CAPN9: variants seen among roughly 807,000 people sequenced by gnomAD.
CAPN9 encodes calpain 9.
Under a neutral mutation model 92.8 loss-of-function variants are expected in CAPN9, and 81 were observed. The observed-to-expected ratio is 0.87, with a 90% CI of 0.73 to 1.05. CAPN9 has a LOEUF of 1.05. Among genes scored for constraint, CAPN9 ranks in the 50% least tolerant of loss-of-function variants. The pLI is 0.00. For synonymous variants in CAPN9, 304 were observed against 328.0 expected (o/e 0.93, Z 0.79); for missense variants, 848 against 866.2 (o/e 0.98, Z 0.26).
In CAPN9 at chr1:230,791,929, G is replaced by A. The variant is rs150456782; in HGVS notation, c.1722+1G>A. On this transcript the variant is annotated splice_donor_variant, in intron 15 of 19. Coordinates refer to ENST00000271971, the MANE Select transcript of CAPN9 (RefSeq NM_006615.3). LOFTEE classifies it high-confidence loss of function. Reference sequence around the variant, plus strand: ...TAAAAACATCATTTCCCTGATGGACGTATCCTTCCAAATATTTGAGCAGAA... The same window carrying A: ...TAAAAACATCATTTCCCTGATGGACATATCCTTCCAAATATTTGAGCAGAA... 352 of 1,605,866 alleles carry A rather than the reference G, an allele frequency of 2.2e-4. 1 individual carries two copies. In the African/African-American group the frequency reaches 4.1e-3, roughly 19 times the overall value.
intron 12 of CAPN9, 26 bp downstream of exon 12, chr1:230,786,043 G>A (rs1558111351): frequency 1.2e-6 from 2 of 1,612,492 alleles, no homozygotes; most frequent in Non-Finnish European, 1.7e-6. Flanking sequence ...TTGCTATGGA[G>A]TATGGGATTC....
intron 6 of CAPN9, among the ~76,000 whole-genome samples, chr1:230,770,495 G>C (rs1362914815): frequency 1.3e-5 from 2 of 152,148 alleles, no homozygotes; most frequent in African/African-American, 4.8e-5. Flanking sequence ...GGCACCCCAT[G>C]GCCCAGTCAA....
chr1:230,789,465 C>T (rs991184696), intron 13 of CAPN9, among the ~76,000 whole-genome samples: 1 of 117,140 alleles, frequency 8.5e-6, no homozygotes, highest in Non-Finnish European at 1.6e-5. Context: ...CAGAGCAAGA[C>T]CCTGTATCAA....
intron 7 of CAPN9, among the ~76,000 whole-genome samples, chr1:230,772,736 C>A (rs929059421): frequency 3.6e-4 from 48 of 132,314 alleles, no homozygotes; most frequent in African/African-American, 1.4e-3. Context: ...AGCATGTTGA[C>A]CCCATCTCTT....
At chr1:230,801,434 G>A in intron 19 of CAPN9, 136 bp from the exon 20 acceptor site, 1 of 819,396 alleles carries the variant, frequency 1.2e-6, no homozygotes, top group Admixed American at 1.7e-5. Context: ...TGCTGAGACA[G>A]ACATCCAAGT....
intron 19 of CAPN9, among the ~76,000 whole-genome samples, chr1:230,799,954 G>A (rs550628543): frequency 6.6e-6 from 1 of 151,946 alleles, no homozygotes; most frequent in Non-Finnish European, 1.5e-5. Context: ...TGAGGCGGGT[G>A]AATCACGAGG....
chr1:230,769,269 C>T lies in CAPN9; in HGVS notation c.789+6C>T, dbSNP rs371413170. 5.6e-6 allele frequency: 9 copies of T among 1,606,322 alleles called. No individual in the cohort carries two copies. Among genetic ancestry groups the T allele is most frequent in the South Asian group, 2.2e-5 (2 of 90,826 alleles). On this transcript the variant is annotated splice_donor_region_variant and intron_variant, in intron 6 of 19. Transcript: ENST00000271971. ...GTGTAACGGGAATTGACCAGGTAGG[C>T]GACTTGAACTCCAACTGCAGGCTAT...
At chr1:230,758,655 G>C (rs956829359) in intron 2 of CAPN9, among the ~76,000 whole-genome samples, 4 of 152,158 alleles carry the variant, frequency 2.6e-5, no homozygotes, top group African/African-American at 9.7e-5. Context: ...AGTGACATAC[G>C]GTGCTTTCCA....
intron 17 of CAPN9, 31 bp from the exon 18 acceptor site, chr1:230,795,132 G>A (rs1227898290): frequency 7.1e-6 from 10 of 1,398,826 alleles, no homozygotes; most frequent in Non-Finnish European, 1.0e-5. Context: ...CGGATACAGC[G>A]AGTCCTGGGT....
At chr1:230,789,063 G>C (rs1025994618) in intron 13 of CAPN9, among the ~76,000 whole-genome samples, 2 of 152,096 alleles carry the variant, frequency 1.3e-5, no homozygotes, top group Admixed American at 6.5e-5. Flanking sequence ...CTGGGGCAGT[G>C]CTTTCTTACC....
intron 2 of CAPN9, 39 bp downstream of exon 2, chr1:230,755,445 G>A: frequency 6.6e-7 from 1 of 1,517,856 alleles, no homozygotes; most frequent in East Asian, 2.4e-5. Flanking sequence ...GAGGGAGGTT[G>A]AGTCACTGGG....
chr1:230,767,182 G>A (rs775734291), intron 4 of CAPN9, among the ~76,000 whole-genome samples: 9 of 152,072 alleles, frequency 5.9e-5, no homozygotes, highest in East Asian at 3.9e-4. Flanking sequence ...AGTCCTAGAA[G>A]GGAGAGCACA....
Position 230,762,770 on chromosome 1 carries a change from GA to G in CAPN9, c.525del (p.Ala176ProfsTer5). The G allele has an allele frequency of 6.2e-7, 1 of 1,613,806 alleles. No individual in the cohort carries two copies. Reference sequence around the variant, plus strand: ...CAACGAGTTCTGGAGCGCCTTGCTGGAAAAAGCCTACGCCAAGTGAGTGACA... The same window carrying G: ...CAACGAGTTCTGGAGCGCCTTGCTGGAAAAGCCTACGCCAAGTGAGTGACA... ...DHNEFWSALL[E>X]KAYAKLNGSY... On this transcript the variant is annotated frameshift_variant, in exon 4 of 20. Coordinates refer to ENST00000271971, the MANE Select transcript of CAPN9 (RefSeq NM_006615.3). LOFTEE classifies it high-confidence loss of function.
chr1:230,765,093 C>T (rs1665886990), intron 4 of CAPN9, among the ~76,000 whole-genome samples: 1 of 151,998 alleles, frequency 6.6e-6, no homozygotes, highest in Admixed American at 6.6e-5. Context: ...GGAGATAAGG[C>T]TGATTCTAGG....
At chr1:230,754,639 CAAAAA>C (rs58791351) in intron 1 of CAPN9, among the ~76,000 whole-genome samples, 1 of 124,550 alleles carries the variant, frequency 8.0e-6, no homozygotes, top group African/African-American at 3.0e-5. Context: ...CCCATCTCCA[CAAAAA>C]AAAAAAAAAA....
Position 230,791,920 on chromosome 1 carries a change from C to T in CAPN9, c.1714C>T (p.Leu572=). Residue 572 remains leucine, a synonymous_variant, in exon 15 of 20, where the codon CTG becomes TTG. Coordinates refer to ENST00000271971, the MANE Select transcript of CAPN9 (RefSeq NM_006615.3). ...SLISCKNIIS[L]MDTSGNGKLE... The stretch of plus-strand genomic sequence containing the variant: ...GATCTCCTGTAAAAACATCATTTCC[C>T]TGATGGACGTATCCTTCCAAATATT... 1.2e-6 allele frequency: 2 copies of T among 1,610,600 alleles called. No individual in the cohort carries two copies. Among genetic ancestry groups the T allele is most frequent in the Non-Finnish European group, 1.7e-6 (2 of 1,176,780 alleles).
chr1:230,782,529 T>C (rs531708241), intron 11 of CAPN9, among the ~76,000 whole-genome samples: 1 of 152,322 alleles, frequency 6.6e-6, no homozygotes, highest in African/African-American at 2.4e-5. Context: ...AGCCTGCTCC[T>C]CCTCTTAATA....
At chr1:230,760,164 A>T (rs1343670736) in intron 3 of CAPN9, among the ~76,000 whole-genome samples, 1 of 151,618 alleles carries the variant, frequency 6.6e-6, no homozygotes, top group African/African-American at 2.4e-5. Context: ...CTGCTGCTTC[A>T]CCTCACTTTC....
At chr1:230,796,729 C>T (rs912236775) in intron 18 of CAPN9, among the ~76,000 whole-genome samples, 14 of 152,168 alleles carry the variant, frequency 9.2e-5, no homozygotes, top group African/African-American at 3.4e-4. Context: ...CAGAGCTGAC[C>T]CTAGAAATAA....
Sources: gnomAD v4.1 joint callset for allele counts (sites outside exome capture counted in the v4.1 genomes callset) on GRCh38, gnomAD v4.1.1 for gene constraint, MANE v1.5 for transcripts, NCBI Gene and HGNC (gene_info 2026-07-23, HGNC 2026-07-21) for gene names.